KIAA1958: variants seen among roughly 807,000 people sequenced by gnomAD.
KIAA1958 encodes uncharacterized protein KIAA1958.
A neutral mutation model predicts 47.2 loss-of-function variants in KIAA1958; 14 were observed. The ratio of observed to expected loss-of-function variants is 0.30; its 90% CI spans 0.20 to 0.46. The LOEUF (loss-of-function observed/expected upper bound fraction) is 0.46, where lower values mean the gene tolerates loss of function less well. Ranked by LOEUF, KIAA1958 falls within the 20% of genes least tolerant of loss-of-function variation. The pLI is 1.00. For synonymous variants in KIAA1958, 354 were observed against 353.3 expected (o/e 1.00, Z -0.02); for missense variants, 803 against 909.2 (o/e 0.88, Z 1.50).
chr9:112,632,363 ATTAT>A (rs1769622740), intron 2 of KIAA1958, among the ~76,000 whole-genome samples: 1 of 151,858 alleles, frequency 6.6e-6, no homozygotes, highest in South Asian at 2.1e-4. Flanking sequence ...CAATTATTTA[ATTAT>A]TCATCTCCTA....
At chr9:112,630,103 A>G (rs927641778) in intron 2 of KIAA1958, among the ~76,000 whole-genome samples, 1 of 152,212 alleles carries the variant, frequency 6.6e-6, no homozygotes, top group Non-Finnish European at 1.5e-5. Context: ...GAAGCCCTGG[A>G]AGGGGAAGCA....
At chr9:112,575,277 T>TA (rs774948399) in intron 2 of KIAA1958, 26 bp downstream of exon 2, 1 of 1,447,528 alleles carries the variant, frequency 6.9e-7, no homozygotes, top group Non-Finnish European at 9.2e-7. Flanking sequence ...CGACAGTGAG[T>TA]CCCTCATCCA....
At chr9:112,646,131 A>G (rs1210957901) in intron 3 of KIAA1958, among the ~76,000 whole-genome samples, 1 of 151,510 alleles carries the variant, frequency 6.6e-6, no homozygotes, top group Non-Finnish European at 1.5e-5. Flanking sequence ...GTAGAATTAG[A>G]TGAGGACGGG....
intron 2 of KIAA1958, among the ~76,000 whole-genome samples, chr9:112,637,864 C>T (rs1836830437): frequency 6.6e-6 from 1 of 151,828 alleles, no homozygotes; most frequent in African/African-American, 2.4e-5. Context: ...TTCTCTTATG[C>T]TGGGCCAGGC....
chr9:112,510,531 C>T (rs1318603656), intron 1 of KIAA1958, among the ~76,000 whole-genome samples: 1 of 152,210 alleles, frequency 6.6e-6, no homozygotes, highest in Non-Finnish European at 1.5e-5. Flanking sequence ...GAGCCTGCCA[C>T]TCCTGGTCCC....
In KIAA1958 at chr9:112,624,547, A is replaced by T. The variant is rs117688581; in HGVS notation, c.1172-21103A>T. On this transcript the variant is annotated intron_variant, in intron 2 of 3. Coordinates refer to ENST00000337530, the MANE Select transcript of KIAA1958 (RefSeq NM_133465.4). The stretch of plus-strand genomic sequence containing the variant: ...GTGATATAACAACAGAAAAGAAGAG[A>T]TGATATTGATGGAGTACCAAGAACT... Among the ~76,000 whole-genome samples the T allele has an allele frequency of 4.0e-3, 603 of 152,328 alleles. 28 individuals carry two copies. In the East Asian group the frequency reaches 0.096, roughly 24 times the overall value.
intron 2 of KIAA1958, among the ~76,000 whole-genome samples, chr9:112,644,670 T>C (rs1342155292): frequency 2.0e-5 from 3 of 152,186 alleles, no homozygotes; most frequent in Non-Finnish European, 2.9e-5. Context: ...AGTTAAACCA[T>C]GTTCCCTTTC....
chr9:112,534,809 G>C (rs1242911814), intron 1 of KIAA1958, among the ~76,000 whole-genome samples: 1 of 152,160 alleles, frequency 6.6e-6, no homozygotes, highest in African/African-American at 2.4e-5. Context: ...CTCCCAAAGT[G>C]CTGGGATTAC....
intron 1 of KIAA1958, among the ~76,000 whole-genome samples, chr9:112,508,228 A>G (rs1834263889): frequency 6.6e-6 from 1 of 152,172 alleles, no homozygotes. Context: ...GGAGAGATTA[A>G]CATGCTATTT....
At chr9:112,544,651 GA>G (rs1393351035) in intron 1 of KIAA1958, among the ~76,000 whole-genome samples, 4 of 152,240 alleles carry the variant, frequency 2.6e-5, no homozygotes, top group Non-Finnish European at 5.9e-5. Context: ...ATCCTGGAGA[GA>G]GTCAAGGTCA....
chr9:112,629,732 C>A (rs1836677183), intron 2 of KIAA1958, among the ~76,000 whole-genome samples: 1 of 152,100 alleles, frequency 6.6e-6, no homozygotes, highest in African/African-American at 2.4e-5. Flanking sequence ...ATAATGTTTG[C>A]CTCTGATGTA....
At chr9:112,497,910 G>GT (rs1834071387) in intron 1 of KIAA1958, among the ~76,000 whole-genome samples, 1 of 152,066 alleles carries the variant, frequency 6.6e-6, no homozygotes, top group East Asian at 1.9e-4. Flanking sequence ...TTTTTAAGTA[G>GT]TTTTTTTGTT....
intron 1 of KIAA1958, among the ~76,000 whole-genome samples, chr9:112,539,337 A>G (rs1042035248): frequency 1.3e-5 from 2 of 152,272 alleles, no homozygotes; most frequent in Non-Finnish European, 2.9e-5. Flanking sequence ...TGGTTTCTCC[A>G]CACAATGGAA....
At chr9:112,494,679 G>A (rs1834023034) in intron 1 of KIAA1958, among the ~76,000 whole-genome samples, 1 of 151,954 alleles carries the variant, frequency 6.6e-6, no homozygotes, top group African/African-American at 2.4e-5. Context: ...TGTCACCCAG[G>A]CTGGTCTCAA....
chr9:112,622,661 A>G (rs1836529694), intron 2 of KIAA1958, among the ~76,000 whole-genome samples: 1 of 152,234 alleles, frequency 6.6e-6, no homozygotes, highest in Non-Finnish European at 1.5e-5. Context: ...TCCCTATGTT[A>G]AATCACTGCC....
At chr9:112,625,195 C>T (rs1278874881) in intron 2 of KIAA1958, among the ~76,000 whole-genome samples, 1 of 152,104 alleles carries the variant, frequency 6.6e-6, no homozygotes, top group Admixed American at 6.5e-5. Flanking sequence ...GGCTGGAGTG[C>T]AGTGGCACAA....
chr9:112,533,476 G>A (rs1834789327), intron 1 of KIAA1958, among the ~76,000 whole-genome samples: 3 of 151,214 alleles, frequency 2.0e-5, no homozygotes, highest in African/African-American at 4.9e-5. Context: ...AGCTACTCAG[G>A]AGGCGGAGGC....
At chr9:112,593,721 G>A (rs1835965738) in intron 2 of KIAA1958, among the ~76,000 whole-genome samples, 2 of 151,920 alleles carry the variant, frequency 1.3e-5, no homozygotes, top group African/African-American at 4.8e-5. Context: ...TATATTTGTA[G>A]AGTTAGTAAG....
At chr9:112,512,626 C>T (rs529108199) in intron 1 of KIAA1958, among the ~76,000 whole-genome samples, 60 of 151,914 alleles carry the variant, frequency 3.9e-4, no homozygotes, top group African/African-American at 1.2e-3. Flanking sequence ...TCACTGAGCA[C>T]GTAGCATGTA....
Sources: gnomAD v4.1 joint callset for allele counts (sites outside exome capture counted in the v4.1 genomes callset) on GRCh38, gnomAD v4.1.1 for gene constraint, MANE v1.5 for transcripts, NCBI Gene and HGNC (gene_info 2026-07-23, HGNC 2026-07-21) for gene names.